The following DIPK1A variants were observed in gnomAD, a reference collection of about 807,000 sequenced individuals.
The protein encoded by DIPK1A is family with sequence similarity 69 member A.
In DIPK1A, 27 loss-of-function variants were observed where a neutral mutation model predicts 40.8. The ratio of observed to expected loss-of-function variants is 0.66; its 90% CI spans 0.49 to 0.91. The LOEUF is 0.91. DIPK1A is among the 40% of genes least tolerant of loss of function. DIPK1A has a pLI of 0.00. For missense variants in DIPK1A, 412 were observed against 505.7 expected (o/e 0.81, Z 1.78); for synonymous variants, 166 against 171.3 (o/e 0.97, Z 0.24).
chr1:92,920,008 A>G (rs1028382954), intron 1 of DIPK1A, among the ~76,000 whole-genome samples: 5 of 152,254 alleles, frequency 3.3e-5, no homozygotes, highest in Non-Finnish European at 7.3e-5. Flanking sequence ...GAGACCCTAT[A>G]GAACCTACTA....
intron 2 of DIPK1A, among the ~76,000 whole-genome samples, chr1:92,864,926 C>T (rs779133203): frequency 6.7e-6 from 1 of 150,224 alleles, no homozygotes; most frequent in Non-Finnish European, 1.5e-5. Flanking sequence ...TCTGTAATCC[C>T]AGCTACTCAG....
chr1:92,918,911 G>A (rs978008718), intron 1 of DIPK1A, among the ~76,000 whole-genome samples: 14 of 152,126 alleles, frequency 9.2e-5, no homozygotes, highest in Non-Finnish European at 1.9e-4. Context: ...TCCAGCTCCT[G>A]TGAGAATCTA....
At chr1:92,893,682 G>A (rs2100807442) in intron 1 of DIPK1A, among the ~76,000 whole-genome samples, 1 of 151,414 alleles carries the variant, frequency 6.6e-6, no homozygotes, top group African/African-American at 2.4e-5. Context: ...TGGGCTAAAT[G>A]CTCCAATTAA....
intron 4 of DIPK1A, chr1:92,833,390 G>T: frequency 1.2e-6 from 2 of 1,609,248 alleles, no homozygotes; most frequent in Non-Finnish European, 1.7e-6. Context: ...TTCTTTAAGG[G>T]GTTTGTTAAA....
intron 1 of DIPK1A, among the ~76,000 whole-genome samples, chr1:92,908,425 C>G (rs761034534): frequency 1.5e-4 from 23 of 152,286 alleles, no homozygotes; most frequent in Non-Finnish European, 2.8e-4. Context: ...ACACAGAAAT[C>G]ATGGAAAGGA....
chr1:92,841,900 A>G (rs538453418), downstream of DIPK1A: 133 of 1,495,798 alleles, frequency 8.9e-5, no homozygotes, highest in Non-Finnish European at 1.2e-4. Flanking sequence ...TCAGATATAG[A>G]TAATAAACTT....
intron 1 of DIPK1A, among the ~76,000 whole-genome samples, chr1:92,929,501 T>G (rs897910206): frequency 6.6e-6 from 1 of 152,218 alleles, no homozygotes; most frequent in African/African-American, 2.4e-5. Context: ...TTTGCCAAAG[T>G]TTCTGGCTGT....
intron 4 of DIPK1A, chr1:92,845,489 T>G: frequency 9.1e-6 from 3 of 329,456 alleles, no homozygotes; most frequent in African/African-American, 3.3e-5. Flanking sequence ...GGCAACATGG[T>G]GAAACCGTGT....
At chr1:92,935,922 G>A (rs1303484133) in intron 1 of DIPK1A, among the ~76,000 whole-genome samples, 1 of 151,868 alleles carries the variant, frequency 6.6e-6, no homozygotes, top group East Asian at 1.9e-4. Flanking sequence ...AAAATAGGAA[G>A]ATAAAAATTA....
In DIPK1A at chr1:92,882,452, A is replaced by G. The variant is rs569472193; in HGVS notation, c.55-6022T>C. Among the ~76,000 whole-genome samples the G allele has an allele frequency of 3.0e-4, 46 of 152,342 alleles. 1 individual carries two copies. In the South Asian group the frequency reaches 4.6e-3, roughly 15 times the overall value. On this transcript the variant is annotated intron_variant, in intron 1 of 4. Coordinates refer to ENST00000370310, the MANE Select transcript of DIPK1A (RefSeq NM_001006605.5). Reference sequence around the variant, plus strand: ...ACCCTCACTGACCCCTATCCTCCCAACATGCTCTTGACTACCATGATAATC... The same window carrying G: ...ACCCTCACTGACCCCTATCCTCCCAGCATGCTCTTGACTACCATGATAATC...
intron 2 of DIPK1A, among the ~76,000 whole-genome samples, chr1:92,865,853 A>G (rs1298205558): frequency 1.3e-5 from 2 of 152,224 alleles, no homozygotes; most frequent in Non-Finnish European, 2.9e-5. Flanking sequence ...TGTTGAAACG[A>G]TATACTTGAT....
intron 1 of DIPK1A, among the ~76,000 whole-genome samples, chr1:92,904,829 A>G (rs533769783): frequency 1.3e-5 from 2 of 152,138 alleles, no homozygotes; most frequent in African/African-American, 2.4e-5. Context: ...CCAGTCTCTA[A>G]TAGCCATCAT....
intron 2 of DIPK1A, among the ~76,000 whole-genome samples, chr1:92,869,145 T>C (rs1647711947): frequency 1.2e-5 from 1 of 86,496 alleles, no homozygotes; most frequent in African/African-American, 4.8e-5. Context: ...TGAAAATAAA[T>C]ATTACACTAT....
chr1:92,942,175 A>G (rs17131673), intron 1 of DIPK1A, among the ~76,000 whole-genome samples: 4,678 of 152,314 alleles, frequency 0.031, 207 homozygotes, highest in African/African-American at 0.1. Context: ...ATCAGACAGA[A>G]GCAAATTAAG....
chr1:92,851,545 A>G (rs1330080655), intron 2 of DIPK1A, among the ~76,000 whole-genome samples: 2 of 92,952 alleles, frequency 2.2e-5, no homozygotes, highest in Admixed American at 2.4e-4. Flanking sequence ...CCTATCTCAA[A>G]AAAAAAAAAA....
chr1:92,898,889 A>G (rs1281504744), intron 1 of DIPK1A, among the ~76,000 whole-genome samples: 1 of 151,902 alleles, frequency 6.6e-6, no homozygotes, highest in Non-Finnish European at 1.5e-5. Context: ...CACCTTCCCG[A>G]GTAGCTGCGA....
chr1:92,954,318 A>G (rs1651755376), intron 1 of DIPK1A, among the ~76,000 whole-genome samples: 1 of 151,318 alleles, frequency 6.6e-6, no homozygotes, highest in Non-Finnish European at 1.5e-5. Context: ...AAATAAATAA[A>G]TAAATAAAAG....
intron 1 of DIPK1A, among the ~76,000 whole-genome samples, chr1:92,895,838 C>T (rs1169524689): frequency 6.6e-6 from 1 of 152,080 alleles, no homozygotes; most frequent in Non-Finnish European, 1.5e-5. Context: ...GCAAAAATAA[C>T]AAGCATTCTT....
At chr1:92,893,772 G>C (rs1470946617) in intron 1 of DIPK1A, among the ~76,000 whole-genome samples, 1 of 151,990 alleles carries the variant, frequency 6.6e-6, no homozygotes, top group Non-Finnish European at 1.5e-5. Flanking sequence ...CACGTGCAGA[G>C]ACACACATAG....
Sources: allele counts gnomAD v4.1 joint callset (sites outside exome capture counted in the v4.1 genomes callset), GRCh38; gene constraint gnomAD v4.1.1; transcripts MANE v1.5; gene names NCBI Gene and HGNC (gene_info 2026-07-23, HGNC 2026-07-21).